The following PSMA2 variants were observed in gnomAD, a reference collection of about 807,000 sequenced individuals.
PSMA2 encodes proteasome subunit alpha type-2.
In PSMA2, 2 loss-of-function variants were observed where a neutral mutation model predicts 35.9. The ratio of observed to expected loss-of-function variants is 0.06; its 90% CI spans 0.02 to 0.18. The LOEUF (loss-of-function observed/expected upper bound fraction) is 0.18. PSMA2 is among the 10% of genes least tolerant of loss of function. The pLI, the probability that PSMA2 is intolerant of heterozygous loss-of-function variation, is 1.00. For missense variants in PSMA2, 126 were observed against 278.8 expected (o/e 0.45, Z 3.90); for synonymous variants, 97 against 98.2 (o/e 0.99, Z 0.07).
chr7:42,918,236 T>G (rs1786064663), intron 6 of PSMA2: 1 of 154,692 alleles, frequency 6.5e-6, no homozygotes, highest in Non-Finnish European at 1.4e-5. Flanking sequence ...GGTTTCACTG[T>G]GTCAGCCAGG....
intron 1 of PSMA2, among the ~76,000 whole-genome samples, chr7:42,927,762 C>T (rs1295986221): frequency 1.3e-5 from 2 of 151,980 alleles, no homozygotes; most frequent in Admixed American, 6.6e-5. Context: ...AAAAATTAGC[C>T]GGGTATGGTG....
chr7:42,932,047 T>C lies in PSMA2; in HGVS notation c.41+71A>G, dbSNP rs377504202. ...AGAAGCACCAATGCCGACGTCAGGA[T>C]GGGAAAAACTAAATCGACAGAGTAC... On this transcript the variant is annotated intron_variant, in intron 1 of 7. Coordinates refer to ENST00000223321, the MANE Select transcript of PSMA2 (RefSeq NM_002787.5). 5.0e-4 allele frequency: 795 copies of C among 1,591,174 alleles called. 1 individual carries two copies. The Middle Eastern group carries it at 6.0e-3, about 12-fold the overall frequency.
rs563721418 is a variant in PSMA2 at position 42,928,966 on chromosome 7, T to A, written c.42-1507A>T. On this transcript the variant is annotated intron_variant, in intron 1 of 7. Coordinates refer to ENST00000223321, the MANE Select transcript of PSMA2 (RefSeq NM_002787.5). ...GCACTTCCTCTTTGTCTAAGATTCA[T>A]CATATCTGAATTGTTATTTTTTTTT... Among the ~76,000 whole-genome samples the A allele has an allele frequency of 5.9e-5, 9 of 152,294 alleles. No individual in the cohort carries two copies. In the East Asian group the frequency reaches 7.7e-4, roughly 13 times the overall value.
chr7:42,926,040 T>G (rs1399766037), intron 3 of PSMA2, among the ~76,000 whole-genome samples: 1 of 152,214 alleles, frequency 6.6e-6, no homozygotes, highest in East Asian at 1.9e-4. Flanking sequence ...ACACAAGCAT[T>G]GGGATCCTGG....
chr7:42,927,760 G>T (rs1229658742), intron 1 of PSMA2, among the ~76,000 whole-genome samples: 1 of 152,142 alleles, frequency 6.6e-6, no homozygotes, highest in African/African-American at 2.4e-5. Context: ...ACAAAAATTA[G>T]CCGGGTATGG....
intron 6 of PSMA2, chr7:42,920,042 C>T (rs574481463): frequency 4.5e-6 from 3 of 659,894 alleles, no homozygotes; most frequent in Non-Finnish European, 8.5e-6. Context: ...GAAATTGCTT[C>T]AGAGAATTCA....
At position 42,917,393 on chromosome 7, in the gene PSMA2, C is replaced by T; in HGVS notation, c.*181G>A. ...GAAATAACTGTTAAAATTTTAGCAA[C>T]TCCTAAAAGGCTGGAAGGTGGGTTT... On this transcript the variant is annotated 3_prime_UTR_variant, in exon 8 of 8. Coordinates refer to ENST00000223321, the MANE Select transcript of PSMA2 (RefSeq NM_002787.5). 2.0e-6 allele frequency: 1 copy of T among 505,670 alleles called. No individual in the cohort carries two copies. Among genetic ancestry groups the T allele is most frequent in the Non-Finnish European group, 3.5e-6 (1 of 286,104 alleles). The allele number at this position is 505,670 out of a possible 1,614,324, so 31.3% of individuals were successfully genotyped here.
Position 42,926,586 on chromosome 7 carries a change from T to C in PSMA2, c.201A>G (p.Pro67=), listed in dbSNP as rs1231502794. Residue 67 remains proline, a synonymous_variant, in exon 3 of 8, where the codon CCA becomes CCG. Transcript: ENST00000223321. ...ACACCAAACCTATATGCTTGGTAAT[T>C]GGTTCTACTTTGTGTACACTTCGCT... ...YDERSVHKVE[P]ITKHIGLVYS... 1 of 1,611,304 alleles carries C rather than the reference T, an allele frequency of 6.2e-7. No homozygotes were observed. Among genetic ancestry groups the C allele is most frequent in the Non-Finnish European group, 8.5e-7 (1 of 1,179,294 alleles).
At chr7:42,927,525 G>C (rs577619490) in intron 1 of PSMA2, 66 bp from the exon 2 acceptor site, 2 of 1,470,862 alleles carry the variant, frequency 1.4e-6, no homozygotes, top group South Asian at 1.1e-5. Flanking sequence ...GAACATCTCT[G>C]AGATAGTACA....
At chr7:42,923,801 T>A (rs1786163267) in intron 4 of PSMA2, among the ~76,000 whole-genome samples, 2 of 152,136 alleles carry the variant, frequency 1.3e-5, no homozygotes, top group African/African-American at 4.8e-5. Context: ...ATGACAACTT[T>A]CAATTACTGC....
At chr7:42,918,073 CT>C (rs56108431) in intron 6 of PSMA2, 7,686 of 166,824 alleles carry the variant, frequency 0.046, 157 homozygotes, top group East Asian at 0.11. Context: ...GTTTAGGAAA[CT>C]TTTTTTTTTT....
chr7:42,931,867 C>T (rs569106989), intron 1 of PSMA2, among the ~76,000 whole-genome samples: 1 of 149,566 alleles, frequency 6.7e-6, no homozygotes, highest in South Asian at 2.2e-4. Flanking sequence ...TGGCTATGTG[C>T]CTCACCGTCC....
At chr7:42,923,594 G>C (rs1478280532) in intron 4 of PSMA2, among the ~76,000 whole-genome samples, 188 bp from the exon 5 acceptor site, 1 of 152,186 alleles carries the variant, frequency 6.6e-6, no homozygotes, top group Non-Finnish European at 1.5e-5. Flanking sequence ...TGGTAGTGAG[G>C]AATGGTAGCC....
intron 4 of PSMA2, 76 bp from the exon 5 acceptor site, chr7:42,923,482 C>A: frequency 9.3e-7 from 1 of 1,069,744 alleles, no homozygotes; most frequent in South Asian, 1.4e-5. Context: ...TCAGTACTCT[C>A]AAATAAAGCA....
In PSMA2 at chr7:42,926,544, G is replaced by A. The variant is rs773084343; in HGVS notation, c.243C>T (p.Pro81=). The change falls in exon 3 of 8, where the codon CCC becomes CCT. Residue 81 remains proline (P), a synonymous_variant. Transcript: ENST00000223321. ...TAAAAAGTATAAAGTACCTGTAATC[G>A]GGGCCCATGCCACTGTACACCAAAC... The part of the protein sequence containing the change: ...HIGLVYSGMG[P]DYRVLVHRAR... 34 of 1,579,600 alleles carry A rather than the reference G, an allele frequency of 2.2e-5. No homozygotes were observed. The African/African-American group carries it at 2.6e-4, about 12-fold the overall frequency.
chr7:42,918,046 A>G (rs908321642), intron 6 of PSMA2: 2 of 359,908 alleles, frequency 5.6e-6, no homozygotes, highest in Non-Finnish European at 9.9e-6. Flanking sequence ...GAACGGTATG[A>G]CCCTAAAATG....
chr7:42,931,523 A>G (rs1052668042), intron 1 of PSMA2, among the ~76,000 whole-genome samples: 57 of 46,964 alleles, frequency 1.2e-3, no homozygotes, highest in Non-Finnish European at 2.1e-3. Context: ...CCAAAACTCA[A>G]ACTTGCCTCG....
intron 3 of PSMA2, among the ~76,000 whole-genome samples, 154 bp from the exon 4 acceptor site, chr7:42,924,951 G>T (rs1786184332): frequency 6.6e-6 from 1 of 152,150 alleles, no homozygotes; most frequent in Non-Finnish European, 1.5e-5. Flanking sequence ...TCTAACACTG[G>T]ATTCCAGTTG....
chr7:42,929,009 G>C (rs1786254256), intron 1 of PSMA2, among the ~76,000 whole-genome samples: 1 of 151,628 alleles, frequency 6.6e-6, no homozygotes, highest in African/African-American at 2.4e-5. Context: ...ACAGGGTCTT[G>C]CTATGCTGCC....
Sources: allele counts gnomAD v4.1 joint callset (sites outside exome capture counted in the v4.1 genomes callset), GRCh38; gene constraint gnomAD v4.1.1; transcripts MANE v1.5; gene names NCBI Gene and HGNC (gene_info 2026-07-23, HGNC 2026-07-21).